The following MUTYH variants were observed in gnomAD, a reference collection of about 807,000 sequenced individuals.
MUTYH encodes mutY DNA glycosylase.
In MUTYH, 64 loss-of-function variants were observed where a neutral mutation model predicts 72.9. The ratio of observed to expected loss-of-function variants is 0.88; its 90% CI spans 0.72 to 1.08. The LOEUF is 1.08. Ranked by LOEUF, MUTYH falls within the 50% of genes least tolerant of loss-of-function variation. The pLI is 0.00. For missense variants in MUTYH, 633 were observed against 671.0 expected, an observed-to-expected ratio of 0.94 and a Z score of 0.63; for synonymous variants, 234 against 263.1, an observed-to-expected ratio of 0.89 and a Z score of 1.07.
rs1645066811 is a variant in MUTYH at position 45,332,371 on chromosome 1, T to C, written c.704+20A>G. 1 of 1,614,140 alleles carries C rather than the reference T, an allele frequency of 6.2e-7. No individual in the cohort carries two copies. The highest frequency in any genetic ancestry group is 8.5e-7 in the Non-Finnish European group (1 of 1,179,998). ...CTTTGCAGACACCCCTGAAGCACCC[T>C]TGTTACCCCAACATCCTACCAGAGC... On this transcript the variant is annotated intron_variant, in intron 9 of 15. Coordinates refer to ENST00000456914, the MANE Select transcript of MUTYH (RefSeq NM_001048174.2).
At chr1:45,331,392 A>G in intron 13 of MUTYH, 28 bp downstream of exon 13, 1 of 1,614,200 alleles carries the variant, frequency 6.2e-7, no homozygotes, top group Non-Finnish European at 8.5e-7. Flanking sequence ...AAAAGCCAAC[A>G]TCCTTGGCTA....
chr1:45,332,955 C>T lies in MUTYH; in HGVS notation c.383G>A (p.Trp128Ter), dbSNP rs762307622. The change falls in exon 6 of 16, where the codon TGG becomes TAG. Residue 128 changes from tryptophan to a stop codon, truncating the protein, a stop_gained. Coordinates refer to ENST00000456914, the MANE Select transcript of MUTYH (RefSeq NM_001048174.2). LOFTEE classifies it high-confidence loss of function. ...INYYTGWMQK[W>*]PTLQDLASAS... ...ACTGGCCAGGTCCTGCAGTGTAGGC[C>T]ACTTCTATAGCCACAGGCAGGCAGA... 1.2e-5 allele frequency: 20 copies of T among 1,614,092 alleles called. No individual in the cohort carries two copies. In the East Asian group the frequency reaches 3.8e-4, roughly 31 times the overall value.
At chr1:45,338,396 C>G in intron 1 of MUTYH, 2 of 438,066 alleles carry the variant, frequency 4.6e-6, no homozygotes, top group Admixed American at 6.2e-5. Flanking sequence ...TCTGTTTGGA[C>G]TCTTTTATGC....
chr1:45,333,636 G>A lies in MUTYH; in HGVS notation c.116-75C>T, dbSNP rs1481053395. The A allele has an allele frequency of 2.5e-6, 4 of 1,579,704 alleles. No homozygotes were observed. The highest frequency in any genetic ancestry group is 3.4e-6 in the Non-Finnish European group (4 of 1,163,008). On this transcript the variant is annotated intron_variant, in intron 2 of 15. Coordinates refer to ENST00000456914, the MANE Select transcript of MUTYH (RefSeq NM_001048174.2). ...TCAGGGTCTTGGGACACAGCAGCCT[G>A]TGGCAGTATGCTCCCACTTAGGGCT...
At position 45,334,471 on chromosome 1, in the gene MUTYH, T is replaced by A. The variant is rs1645577358; in HGVS notation, c.35A>T (p.His12Leu). ...RKPRAAVGSG[H>L]RKQAASQEGR... Reference sequence around the variant, plus strand: ...TTCCTGGCTGGCTGCCTGCTTCCTGTGACCACTTCCCACGGCTGCTCGTGG... The same window carrying A: ...TTCCTGGCTGGCTGCCTGCTTCCTGAGACCACTTCCCACGGCTGCTCGTGG... The change falls in exon 2 of 16, where the codon CAC (histidine) becomes CTC (leucine). Residue 12 changes from histidine (H) to leucine (L), a missense_variant. Coordinates refer to ENST00000456914, the MANE Select transcript of MUTYH (RefSeq NM_001048174.2). 2 of 1,614,066 alleles carry A rather than the reference T, an allele frequency of 1.2e-6. No homozygotes were observed. The highest frequency in any genetic ancestry group is 2.7e-5 in the African/African-American group (2 of 74,936).
intron 2 of MUTYH, 122 bp from the exon 3 acceptor site, chr1:45,333,683 G>A: frequency 2.1e-6 from 3 of 1,417,950 alleles, no homozygotes; most frequent in Non-Finnish European, 2.8e-6. Context: ...ACCCCCTTAA[G>A]CTTTGGAGCT....
At chr1:45,340,236 G>C (rs1382218222), upstream of MUTYH, 1 of 1,613,720 alleles carries the variant, frequency 6.2e-7, no homozygotes, top group Admixed American at 1.7e-5. Flanking sequence ...CGACTCAGGC[G>C]GGAGACGAGC....
At chr1:45,340,011 C>T, upstream of MUTYH, 3 of 1,540,236 alleles carry the variant, frequency 1.9e-6, no homozygotes, top group Non-Finnish European at 2.6e-6. Context: ...CTTTCCGGCG[C>T]ACTCCAGGGG....
At chr1:45,339,059 G>A (rs1207021618) in intron 1 of MUTYH, among the ~76,000 whole-genome samples, 1 of 152,154 alleles carries the variant, frequency 6.6e-6, no homozygotes, top group Non-Finnish European at 1.5e-5. Flanking sequence ...CACTGCGCCC[G>A]GCCCAAGCAG....
chr1:45,334,333 C>A (rs1645539129), intron 2 of MUTYH, 58 bp downstream of exon 2: 2 of 1,610,850 alleles, frequency 1.2e-6, no homozygotes, highest in Non-Finnish European at 1.7e-6. Flanking sequence ...CAATCCCTTC[C>A]CAGCCTGAAT....
intron 1 of MUTYH, 139 bp from the exon 2 acceptor site, chr1:45,334,650 C>T (rs1645610648): frequency 4.6e-6 from 6 of 1,292,916 alleles, no homozygotes; most frequent in South Asian, 2.5e-5. Flanking sequence ...AAGATGCTCA[C>T]GGGTTTACTC....
chr1:45,340,430 G>T (rs1054783330), upstream of MUTYH: 10 of 1,522,440 alleles, frequency 6.6e-6, no homozygotes, highest in Non-Finnish European at 8.8e-6. Context: ...AACTAGCCAC[G>T]AGGAGACTAC....
intron 1 of MUTYH, among the ~76,000 whole-genome samples, chr1:45,338,873 C>G (rs1391805986): frequency 3.3e-5 from 5 of 152,126 alleles, no homozygotes; most frequent in Non-Finnish European, 7.4e-5. Flanking sequence ...TCAAGCCATC[C>G]TCTCACCTCA....
At chr1:45,338,348 G>GC in intron 1 of MUTYH, 1 of 502,574 alleles carries the variant, frequency 2.0e-6, no homozygotes. Flanking sequence ...CACCTCAAGT[G>GC]TGTCTGCCCA....
In MUTYH at chr1:45,332,655, A is replaced by G. The variant is rs1322980057; in HGVS notation, c.525T>C (p.Arg175=). The change falls in exon 8 of 16, where the codon CGT becomes CGC. Residue 175 remains arginine (R), a synonymous_variant. Transcript: ENST00000456914. ...GGAGCTGCTGCAGGGTCTCTGCTGT[A>G]CGTGGCATGTGGCCCCCTAGCTCCT... ...VVEELGGHMP[R]TAETLQQLLP... 6.2e-7 allele frequency: 1 copy of G among 1,614,080 alleles called. No homozygotes were observed. The highest frequency in any genetic ancestry group is 8.5e-7 in the Non-Finnish European group (1 of 1,179,984).
intron 2 of MUTYH, 85 bp from the exon 3 acceptor site, chr1:45,333,646 GCTC>G: frequency 1.3e-6 from 2 of 1,569,078 alleles, no homozygotes; most frequent in Non-Finnish European, 1.7e-6. Flanking sequence ...GTGGCAGTAT[GCTC>G]CCACTTAGGG....
chr1:45,329,537 G>A, intron 15 of MUTYH, 100 bp from the exon 16 acceptor site: 2 of 1,479,990 alleles, frequency 1.4e-6, no homozygotes, highest in Non-Finnish European at 1.8e-6. Flanking sequence ...TACTGATCTA[G>A]CTAGGCTTAG....
At chr1:45,333,194 G>T (rs1467441941) in intron 4 of MUTYH, 24 bp from the exon 5 acceptor site, 1 of 1,614,164 alleles carries the variant, frequency 6.2e-7, no homozygotes, top group Admixed American at 1.7e-5. Context: ...GTTGGCATGA[G>T]GACACTGCTG....
At chr1:45,334,688 C>T (rs1645615815) in intron 1 of MUTYH, among the ~76,000 whole-genome samples, 177 bp from the exon 2 acceptor site, 1 of 152,200 alleles carries the variant, frequency 6.6e-6, no homozygotes, top group Admixed American at 6.5e-5. Flanking sequence ...TGAGATACAA[C>T]TAGTATAGCT....
Sources: gnomAD v4.1 joint callset for allele counts (sites outside exome capture counted in the v4.1 genomes callset) on GRCh38, gnomAD v4.1.1 for gene constraint, MANE v1.5 for transcripts, NCBI Gene and HGNC (gene_info 2026-07-23, HGNC 2026-07-21) for gene names.